SAMD13: variants seen among roughly 807,000 people sequenced by gnomAD.
SAMD13 encodes sterile alpha motif domain-containing protein 13.
A neutral mutation model predicts 12.4 loss-of-function variants in SAMD13; 9 were observed. The observed-to-expected ratio is 0.72, with a 90% CI of 0.44 to 1.26. SAMD13 has a LOEUF of 1.26. Ranked by LOEUF, SAMD13 falls within the 50% of genes most tolerant of loss-of-function variation. The probability of loss-of-function intolerance (pLI) is 0.00; values close to 1 mark genes in which losing one functional copy is unlikely to be tolerated. For synonymous variants in SAMD13, 46 were observed against 45.4 expected (o/e 1.01, Z -0.05); for missense variants, 84 against 119.6 (o/e 0.70, Z 1.39).
At chr1:84,307,235 T>C (rs61766444) in intron 2 of SAMD13, among the ~76,000 whole-genome samples, 2,449 of 152,344 alleles carry the variant, frequency 0.016, 35 homozygotes, top group Non-Finnish European at 0.029. Flanking sequence ...TTAAAAGTCA[T>C]TTTCTCTGTG....
At chr1:84,343,714 G>T (rs1190993546) in intron 3 of SAMD13, among the ~76,000 whole-genome samples, 1 of 152,138 alleles carries the variant, frequency 6.6e-6, no homozygotes. Flanking sequence ...GGGGTGGGTT[G>T]GGGAGAAGGA....
chr1:84,332,771 G>A (rs1262374485), intron 3 of SAMD13, among the ~76,000 whole-genome samples: 2 of 152,142 alleles, frequency 1.3e-5, no homozygotes, highest in Non-Finnish European at 2.9e-5. Context: ...TGTTGCAATT[G>A]CTTTTGGCGT....
intron 3 of SAMD13, chr1:84,345,357 G>A: frequency 2.6e-6 from 1 of 388,712 alleles, no homozygotes; most frequent in Non-Finnish European, 5.1e-6. Context: ...GACTGAATTG[G>A]TGTTTGAGAA....
At chr1:84,333,619 G>A (rs1236388048) in intron 3 of SAMD13, among the ~76,000 whole-genome samples, 1 of 152,136 alleles carries the variant, frequency 6.6e-6, no homozygotes, top group Non-Finnish European at 1.5e-5. Flanking sequence ...GCAGCTTCTG[G>A]TCAGAGACTA....
At chr1:84,343,969 C>G (rs1421014148) in intron 3 of SAMD13, among the ~76,000 whole-genome samples, 2 of 152,124 alleles carry the variant, frequency 1.3e-5, no homozygotes, top group Middle Eastern at 3.4e-3. Flanking sequence ...TTTTGAAAAG[C>G]CTGCCTAGTT....
chr1:84,311,332 TA>T (rs757714939), intron 2 of SAMD13, among the ~76,000 whole-genome samples: 1,772 of 112,144 alleles, frequency 0.016, 26 homozygotes, highest in African/African-American at 0.054. Flanking sequence ...TGAGACTGTC[TA>T]AAAAAAAAAA....
intron 1 of SAMD13, chr1:84,302,605 A>C: frequency 1.0e-6 from 1 of 963,664 alleles, no homozygotes; most frequent in Non-Finnish European, 1.2e-6. Context: ...GCTAAGGGCT[A>C]TCTGGCATTT....
chr1:84,305,148 G>A (rs1307269220), intron 2 of SAMD13, among the ~76,000 whole-genome samples: 1 of 152,040 alleles, frequency 6.6e-6, no homozygotes, highest in East Asian at 1.9e-4. Context: ...AGCAGTGTGT[G>A]GCATGTTCCA....
intron 3 of SAMD13, among the ~76,000 whole-genome samples, chr1:84,339,644 G>GA (rs1308628606): frequency 6.6e-6 from 1 of 152,176 alleles, no homozygotes; most frequent in East Asian, 1.9e-4. Context: ...GTGGCAACGG[G>GA]ATCTGTGCTT....
chr1:84,314,007 T>A (rs1481559212), intron 2 of SAMD13, among the ~76,000 whole-genome samples: 2 of 152,162 alleles, frequency 1.3e-5, no homozygotes, highest in African/African-American at 2.4e-5. Flanking sequence ...CTATTTTTGC[T>A]CATGTGAATT....
Position 84,303,374 on chromosome 1 carries a change from A to G in SAMD13, c.53+87A>G. ...TTCGTACTTCTTGCTTATCTACTAC[A>G]ATACACAGTTTGGGGGTCGCCTTGG... On this transcript the variant is annotated intron_variant, in intron 2 of 3. Transcript: ENST00000394834. 3.7e-6 allele frequency: 4 copies of G among 1,095,006 alleles called. No individual in the cohort carries two copies. The South Asian group carries it at 5.3e-5, about 14-fold the overall frequency. 67.8% of individuals were successfully genotyped at this position (1,095,006 alleles called of 1,614,324 possible).
At position 84,349,759 on chromosome 1, in the gene SAMD13, G is replaced by A; in HGVS notation, c.294G>A (p.Lys98=). The change falls in exon 4 of 4, where the codon AAG becomes AAA. Residue 98 remains lysine (K), a synonymous_variant. Transcript: ENST00000394834. ...HVKPLQTKHL[K]NNSS is the part of the protein sequence containing the mutation. ...AACCTCTGCAGACAAAGCATTTAAA[G>A]AACAACTCTTCATAGTACAGTCAAA... 1 of 1,613,106 alleles carries A rather than the reference G, an allele frequency of 6.2e-7. No individual in the cohort carries two copies. Among genetic ancestry groups the A allele is most frequent in the East Asian group, 2.2e-5 (1 of 44,832 alleles).
chr1:84,311,347 A>AG (rs1281433637), intron 2 of SAMD13, among the ~76,000 whole-genome samples: 1 of 144,874 alleles, frequency 6.9e-6, no homozygotes, highest in African/African-American at 2.7e-5. Context: ...AAAAAAAAAA[A>AG]AAAGAAAAGA....
intron 3 of SAMD13, among the ~76,000 whole-genome samples, chr1:84,333,569 T>C (rs927931808): frequency 1.3e-5 from 2 of 152,188 alleles, no homozygotes; most frequent in African/African-American, 4.8e-5. Context: ...ACATTGATTT[T>C]GTATACTGAA....
At chr1:84,339,226 G>C (rs1570259019) in intron 3 of SAMD13, among the ~76,000 whole-genome samples, 1 of 152,168 alleles carries the variant, frequency 6.6e-6, no homozygotes, top group East Asian at 1.9e-4. Flanking sequence ...CTGACTTTTT[G>C]AGTTGCCAGA....
chr1:84,316,397 T>C (rs1678834040), intron 2 of SAMD13, among the ~76,000 whole-genome samples: 1 of 152,194 alleles, frequency 6.6e-6, no homozygotes. Context: ...TGATATTTTG[T>C]GTATGGTAAA....
At chr1:84,322,081 C>T (rs1678958531) in intron 2 of SAMD13, among the ~76,000 whole-genome samples, 1 of 152,166 alleles carries the variant, frequency 6.6e-6, no homozygotes, top group South Asian at 2.1e-4. Flanking sequence ...AACTAACCAG[C>T]CCTCCCTTAC....
upstream of SAMD13, among the ~76,000 whole-genome samples, chr1:84,299,142 A>C (rs993120295): frequency 9.2e-5 from 14 of 151,836 alleles, no homozygotes; most frequent in African/African-American, 3.4e-4. Flanking sequence ...CCCTCGGGCG[A>C]CTTCAGGCTG....
intron 2 of SAMD13, among the ~76,000 whole-genome samples, chr1:84,324,763 C>A (rs937652893): frequency 1.3e-5 from 2 of 152,152 alleles, no homozygotes; most frequent in Admixed American, 1.3e-4. Context: ...GGCAGAGTCC[C>A]AGTAACTGCA....
Sources: gnomAD v4.1 joint callset for allele counts (sites outside exome capture counted in the v4.1 genomes callset) on GRCh38, gnomAD v4.1.1 for gene constraint, MANE v1.5 for transcripts, NCBI Gene and HGNC (gene_info 2026-07-23, HGNC 2026-07-21) for gene names.